GNG12: variants seen among roughly 807,000 people sequenced by gnomAD.
GNG12 encodes G protein subunit gamma 12.
For missense variants in GNG12, 69 were observed against 83.8 expected (o/e 0.82, Z 0.69); for synonymous variants, 28 against 29.7 (o/e 0.94, Z 0.19).
chr1:67,763,827 G>T (rs531422808), intron 2 of GNG12, among the ~76,000 whole-genome samples: 1 of 151,900 alleles, frequency 6.6e-6, no homozygotes, highest in South Asian at 2.1e-4. Context: ...CCATTTAAAA[G>T]AATATGTTAA....
At chr1:67,744,671 A>C (rs573530879) in intron 2 of GNG12, among the ~76,000 whole-genome samples, 2 of 152,318 alleles carry the variant, frequency 1.3e-5, no homozygotes, top group South Asian at 2.1e-4. Context: ...GTGAAAGGCC[A>C]TGCAGATGCT....
chr1:67,767,312 G>C (rs921467164), intron 2 of GNG12, among the ~76,000 whole-genome samples: 1 of 152,132 alleles, frequency 6.6e-6, no homozygotes, highest in Non-Finnish European at 1.5e-5. Context: ...CAGGGGTTCA[G>C]CACGACAGGG....
chr1:67,719,225 T>C (rs1206753406), intron 2 of GNG12, among the ~76,000 whole-genome samples: 2 of 152,220 alleles, frequency 1.3e-5, no homozygotes, highest in Non-Finnish European at 2.9e-5. Context: ...CTTCTTCTCT[T>C]GACCTATTTA....
At chr1:67,727,537 C>T (rs751247557) in intron 2 of GNG12, among the ~76,000 whole-genome samples, 35 of 152,190 alleles carry the variant, frequency 2.3e-4, no homozygotes, top group Middle Eastern at 3.2e-3. Context: ...ATCCGGCATT[C>T]GCATGATCTC....
intron 1 of GNG12, among the ~76,000 whole-genome samples, chr1:67,778,185 AAG>A (rs1646717535): frequency 6.6e-6 from 1 of 151,584 alleles, no homozygotes; most frequent in South Asian, 2.1e-4. Flanking sequence ...AAAAGCAAAA[AAG>A]AAATTAATTT....
intron 2 of GNG12, among the ~76,000 whole-genome samples, chr1:67,715,972 T>C (rs1439586689): frequency 6.6e-6 from 1 of 152,214 alleles, no homozygotes; most frequent in Non-Finnish European, 1.5e-5. Context: ...CTCCCCAAAG[T>C]TGCAGGTTAT....
At chr1:67,831,515 T>C (rs1647044761) in intron 1 of GNG12, among the ~76,000 whole-genome samples, 1 of 152,220 alleles carries the variant, frequency 6.6e-6, no homozygotes. Context: ...GTTCGATATC[T>C]AGTAAATTAC....
At chr1:67,706,645 T>C (rs1293313449) in intron 3 of GNG12, among the ~76,000 whole-genome samples, 3 of 112,138 alleles carry the variant, frequency 2.7e-5, no homozygotes, top group African/African-American at 9.1e-5. Context: ...AGTTTCTTTT[T>C]TCTTTTCTTT....
intron 2 of GNG12, among the ~76,000 whole-genome samples, chr1:67,715,172 C>T (rs1646318612): frequency 6.6e-6 from 1 of 152,198 alleles, no homozygotes; most frequent in Admixed American, 6.5e-5. Flanking sequence ...CCGCCTCACC[C>T]TCTCAAAGTG....
intron 2 of GNG12, among the ~76,000 whole-genome samples, chr1:67,769,816 A>ACACACT (rs3835468): frequency 2.6e-5 from 4 of 151,924 alleles, no homozygotes; most frequent in Non-Finnish European, 4.4e-5. Flanking sequence ...GCACGCACAC[A>ACACACT]CACACTCACA....
At chr1:67,726,620 C>T (rs1158700717) in intron 2 of GNG12, among the ~76,000 whole-genome samples, 1 of 152,214 alleles carries the variant, frequency 6.6e-6, no homozygotes, top group Non-Finnish European at 1.5e-5. Context: ...CCTCCTAAGA[C>T]TTTCCCAAAT....
intron 2 of GNG12, among the ~76,000 whole-genome samples, chr1:67,766,272 C>T (rs1017128984): frequency 4.6e-5 from 7 of 152,136 alleles, no homozygotes; most frequent in African/African-American, 1.7e-4. Context: ...TTAAACAATT[C>T]TCTGGTCCTC....
In GNG12 at chr1:67,703,976, T is replaced by C. The variant is rs1646229988; in HGVS notation, c.*1475A>G. ...TCCTTAGTAGTTACTTTTAATGAAC[T>C]GAAGAAGAATTAAAGCATCAAAGGC... On this transcript the variant is annotated 3_prime_UTR_variant, in exon 4 of 4. Transcript: ENST00000370982. 1 of 152,252 alleles carries C rather than the reference T, an allele frequency of 6.6e-6. No individual in the cohort carries two copies. The highest frequency in any genetic ancestry group is 6.5e-5 in the Admixed American group (1 of 15,286). 9.4% of individuals were successfully genotyped at this position (152,252 alleles called of 1,614,324 possible).
intron 1 of GNG12, among the ~76,000 whole-genome samples, chr1:67,823,889 C>A (rs1470924861): frequency 6.6e-6 from 1 of 152,120 alleles, no homozygotes; most frequent in Non-Finnish European, 1.5e-5. Context: ...GGGAAACAGC[C>A]CAAAGGTCCA....
rs1335036230 is a variant in GNG12 at position 67,827,368 on chromosome 1, T to C, written c.-77+5976A>G. Among the ~76,000 whole-genome samples the C allele has an allele frequency of 4.6e-5, 7 of 152,290 alleles. 2 individuals carry two copies. The highest frequency in any genetic ancestry group is 3.9e-4 in the Admixed American group (6 of 15,292). On this transcript the variant is annotated intron_variant, in intron 1 of 3. Coordinates refer to ENST00000370982, the MANE Select transcript of GNG12 (RefSeq NM_018841.6). ...CAACCAATCTCTTAGAACTTCTAGA[T>C]ACTAACCCTCTGGCAGAACTGAAAG...
At chr1:67,781,804 T>G (rs777921006) in intron 1 of GNG12, among the ~76,000 whole-genome samples, 1 of 152,106 alleles carries the variant, frequency 6.6e-6, no homozygotes, top group Non-Finnish European at 1.5e-5. Flanking sequence ...TGGTCAATGA[T>G]GGTTTCATTT....
intron 1 of GNG12, among the ~76,000 whole-genome samples, chr1:67,826,344 TTTTG>T (rs1647010748): frequency 6.6e-6 from 1 of 152,216 alleles, no homozygotes; most frequent in African/African-American, 2.4e-5. Context: ...ATGCATGTGG[TTTTG>T]TTTGTTTAGC....
At chr1:67,800,493 T>C (rs1646858488) in intron 1 of GNG12, among the ~76,000 whole-genome samples, 1 of 152,194 alleles carries the variant, frequency 6.6e-6, no homozygotes, top group Admixed American at 6.5e-5. Flanking sequence ...AAAAGCAGTG[T>C]CAGGTGAAAA....
chr1:67,773,629 G>T lies in GNG12; in HGVS notation c.-27+3829C>A, dbSNP rs191760018. Among the ~76,000 whole-genome samples the T allele has an allele frequency of 3.9e-5, 6 of 152,270 alleles. No homozygotes were observed. In the East Asian group the frequency reaches 1.2e-3, roughly 29 times the overall value. ...GGAGCAAGGGAAGAGGATCATGCAG[G>T]GTCAATGTAAATTCTGTGTATCAAA... On this transcript the variant is annotated intron_variant, in intron 2 of 3. Transcript: ENST00000370982.
Sources: gnomAD v4.1 joint callset for allele counts (sites outside exome capture counted in the v4.1 genomes callset) on GRCh38, gnomAD v4.1.1 for gene constraint, MANE v1.5 for transcripts, NCBI Gene and HGNC (gene_info 2026-07-23, HGNC 2026-07-21) for gene names.